Variants in HDAC9 observed in about 807,000 individuals in gnomAD.
HDAC9 encodes histone deacetylase 9.
HDAC9 carries 41 observed loss-of-function variants against 139.4 expected under a neutral mutation model. The observed-to-expected ratio is 0.29, with a 90% CI of 0.23 to 0.38. The LOEUF (loss-of-function observed/expected upper bound fraction) is 0.38. Among genes scored for constraint, HDAC9 ranks in the 10% least tolerant of loss-of-function variants. The pLI, the probability that HDAC9 is intolerant of heterozygous loss-of-function variation, is 1.00. For synonymous variants in HDAC9, 517 were observed against 476.2 expected, an observed-to-expected ratio of 1.09 and a Z score of -1.12; for missense variants, 1,147 against 1,297.0, an observed-to-expected ratio of 0.88 and a Z score of 1.78.
At chr7:18,795,487 A>T (rs551992020) in intron 17 of HDAC9, among the ~76,000 whole-genome samples, 1 of 152,304 alleles carries the variant, frequency 6.6e-6, no homozygotes, top group East Asian at 1.9e-4. Flanking sequence ...ATGAATCTCA[A>T]TTATAACACT....
At chr7:18,334,773 G>T (rs904116339) in intron 1 of HDAC9, among the ~76,000 whole-genome samples, 1 of 151,522 alleles carries the variant, frequency 6.6e-6, no homozygotes, top group South Asian at 2.1e-4. Flanking sequence ...GCACCACAGA[G>T]GAAGTTCAGG....
At chr7:18,871,746 A>C (rs1350332596) in intron 21 of HDAC9, among the ~76,000 whole-genome samples, 1 of 152,156 alleles carries the variant, frequency 6.6e-6, no homozygotes, top group East Asian at 1.9e-4. Context: ...ATCTTTTTGA[A>C]TACAAATTAA....
At chr7:18,211,213 GCTTCC>G (rs888094428) in intron 2 of HDAC9, among the ~76,000 whole-genome samples, 6 of 152,200 alleles carry the variant, frequency 3.9e-5, no homozygotes, top group African/African-American at 1.4e-4. Flanking sequence ...ATTGAGCTGT[GCTTCC>G]ATACCTTTGG....
intron 25 of HDAC9, among the ~76,000 whole-genome samples, chr7:18,989,824 C>A (rs960549596): frequency 1.5e-5 from 2 of 136,016 alleles, no homozygotes; most frequent in African/African-American, 5.6e-5. Context: ...TTGCTGATAC[C>A]CTTTCTTCCA....
Position 18,408,711 on chromosome 7 carries a change from G to A in HDAC9, c.-41-87551G>A, listed in dbSNP as rs539718684. ...CATTGTTACAGAAAAGAATTGGGAG[G>A]CTTTTTCTTTCTTGCAATGATTTCT... On this transcript the variant is annotated intron_variant, in intron 1 of 3. Coordinates refer to the HDAC9 transcript ENST00000413509. 7.9e-5 allele frequency among the ~76,000 whole-genome samples: 12 copies of A among 152,244 alleles called. No individual in the cohort carries two copies. In the South Asian group the frequency reaches 2.5e-3, roughly 32 times the overall value.
intron 21 of HDAC9, among the ~76,000 whole-genome samples, chr7:18,861,267 T>A (rs761923218): frequency 1.3e-5 from 2 of 152,336 alleles, no homozygotes; most frequent in African/African-American, 2.4e-5. Flanking sequence ...TATTAACTCT[T>A]AATGACTTCT....
At chr7:18,290,113 C>T (rs79723130), upstream of HDAC9, 2,580 of 182,864 alleles carry the variant, frequency 0.014, 78 homozygotes, top group African/African-American at 0.057. Flanking sequence ...GAGTATGGAG[C>T]TGACAAACAT....
chr7:18,933,110 A>G (rs555335706), intron 22 of HDAC9, among the ~76,000 whole-genome samples: 53 of 152,302 alleles, frequency 3.5e-4, no homozygotes, highest in African/African-American at 1.3e-3. Context: ...GTCTTAGTTC[A>G]GGCTGCTGTA....
chr7:18,635,734 T>TGGTA (rs1783686208), intron 8 of HDAC9, among the ~76,000 whole-genome samples: 1 of 152,090 alleles, frequency 6.6e-6, no homozygotes, highest in African/African-American at 2.4e-5. Flanking sequence ...TATAGAGTCA[T>TGGTA]GGTACCTTGA....
At chr7:18,147,152 C>A (rs1462085732) in intron 1 of HDAC9, among the ~76,000 whole-genome samples, 1 of 151,956 alleles carries the variant, frequency 6.6e-6, no homozygotes, top group Non-Finnish European at 1.5e-5. Context: ...TGAAAGGTGA[C>A]AGTATATTTA....
At chr7:18,589,006 G>A (rs1830200347) in intron 3 of HDAC9, among the ~76,000 whole-genome samples, 2 of 152,086 alleles carry the variant, frequency 1.3e-5, no homozygotes, top group Admixed American at 6.5e-5. Flanking sequence ...TAAATTTTAT[G>A]TACGTTATGA....
chr7:18,980,172 G>C (rs1784807589), intron 25 of HDAC9, among the ~76,000 whole-genome samples: 2 of 152,150 alleles, frequency 1.3e-5, no homozygotes, highest in Non-Finnish European at 1.5e-5. Flanking sequence ...ATGTGGTCTT[G>C]AGGTGCATGT....
chr7:18,967,532 G>T, intron 24 of HDAC9, among the ~76,000 whole-genome samples: 1 of 138,194 alleles, frequency 7.2e-6, no homozygotes. Flanking sequence ...GGGTGTTATT[G>T]TGAAAGCTAT....
chr7:18,961,437 T>C (rs1783522594), intron 24 of HDAC9, among the ~76,000 whole-genome samples: 1 of 152,106 alleles, frequency 6.6e-6, no homozygotes, highest in Admixed American at 6.6e-5. Context: ...GCTCCCACGA[T>C]AGGAAATTGT....
chr7:18,526,391 G>A (rs774188960), intron 2 of HDAC9, among the ~76,000 whole-genome samples: 1 of 152,082 alleles, frequency 6.6e-6, no homozygotes, highest in Non-Finnish European at 1.5e-5. Context: ...TAAAGGGGTG[G>A]TATTTTATGA....
intron 2 of HDAC9, among the ~76,000 whole-genome samples, chr7:18,277,139 C>T (rs185824175): frequency 6.6e-5 from 10 of 152,038 alleles, no homozygotes; most frequent in Non-Finnish European, 1.0e-4. Context: ...GATGAATGAG[C>T]GTTGTGTGGA....
chr7:18,596,016 A>G (rs1485073874), intron 6 of HDAC9, among the ~76,000 whole-genome samples: 1 of 152,082 alleles, frequency 6.6e-6, no homozygotes, highest in Non-Finnish European at 1.5e-5. Flanking sequence ...GATTTGTACA[A>G]ATATGCAAGA....
intron 24 of HDAC9, among the ~76,000 whole-genome samples, chr7:18,955,741 G>C (rs1783102600): frequency 6.6e-6 from 1 of 152,110 alleles, no homozygotes; most frequent in Non-Finnish European, 1.5e-5. Flanking sequence ...GGGGCGGTCT[G>C]TTTCTTCAGT....
intron 1 of HDAC9, among the ~76,000 whole-genome samples, chr7:18,302,977 A>T (rs1798641754): frequency 6.6e-6 from 1 of 152,134 alleles, no homozygotes; most frequent in South Asian, 2.1e-4. Context: ...CATATATAAT[A>T]TATAATATAA....
Sources: allele counts gnomAD v4.1 joint callset (sites outside exome capture counted in the v4.1 genomes callset), GRCh38; gene constraint gnomAD v4.1.1; transcripts MANE v1.5; gene names NCBI Gene and HGNC (gene_info 2026-07-23, HGNC 2026-07-21).